The following SS18 variants were observed in gnomAD, a reference collection of about 807,000 sequenced individuals.
SS18 encodes the protein protein SSXT.
In SS18, 28 loss-of-function variants were observed where a neutral mutation model predicts 72.5. That is an observed-to-expected ratio of 0.39 (90% CI 0.29 to 0.53). SS18 has a LOEUF of 0.53. Among genes scored for constraint, SS18 ranks in the 20% least tolerant of loss-of-function variants. The probability of loss-of-function intolerance (pLI) is 0.76; values close to 1 mark genes in which losing one functional copy is unlikely to be tolerated. For synonymous variants in SS18, 172 were observed against 164.2 expected (o/e 1.05, Z -0.37); for missense variants, 518 against 535.3 (o/e 0.97, Z 0.32).
chr18:26,036,882 G>A (rs1237406516), intron 7 of SS18, among the ~76,000 whole-genome samples: 1 of 152,106 alleles, frequency 6.6e-6, no homozygotes, highest in East Asian at 1.9e-4. Context: ...TTGGAATACA[G>A]TCATGCCTAT....
intron 5 of SS18, 28 bp from the exon 6 acceptor site, chr18:26,039,484 T>G: frequency 6.4e-7 from 1 of 1,556,828 alleles, no homozygotes; most frequent in Middle Eastern, 1.7e-4. Context: ...ATTATACACA[T>G]AATTTTTTGT....
At chr18:26,073,823 T>C (rs1304037479) in intron 3 of SS18, among the ~76,000 whole-genome samples, 2 of 152,188 alleles carry the variant, frequency 1.3e-5, no homozygotes, top group Admixed American at 6.5e-5. Context: ...TGTGATTGAG[T>C]TGCCAGCTGA....
chr18:26,082,849 T>G (rs1452937895), intron 2 of SS18, among the ~76,000 whole-genome samples: 1 of 152,218 alleles, frequency 6.6e-6, no homozygotes, highest in Non-Finnish European at 1.5e-5. Flanking sequence ...TTGCACATAC[T>G]GCTTTCATAA....
chr18:26,045,538 C>T (rs372840557), intron 5 of SS18, among the ~76,000 whole-genome samples: 10 of 152,148 alleles, frequency 6.6e-5, no homozygotes, highest in Non-Finnish European at 1.5e-5. Context: ...TTTTACTTTG[C>T]ATATTTCTCT....
At chr18:26,037,318 A>C (rs1360160405) in intron 7 of SS18, among the ~76,000 whole-genome samples, 1 of 152,148 alleles carries the variant, frequency 6.6e-6, no homozygotes, top group Non-Finnish European at 1.5e-5. Flanking sequence ...CAACAATGTC[A>C]AATTTAATTC....
chr18:26,050,008 AGGCTGAGGTGGATGGATGGCTTG>A (rs2053893213), intron 5 of SS18, among the ~76,000 whole-genome samples: 3 of 152,340 alleles, frequency 2.0e-5, no homozygotes, highest in Non-Finnish European at 2.9e-5. Flanking sequence ...ACACTTCGGG[AGGCTGAGGTGGATGGATGGCTTG>A]AGGTCAGGAG....
At chr18:26,023,760 A>C (rs781153886) in intron 10 of SS18, 1 of 402,760 alleles carries the variant, frequency 2.5e-6, no homozygotes, top group Non-Finnish European at 4.6e-6. Flanking sequence ...GCAAACAAAA[A>C]TGATACCACA....
At chr18:26,037,243 A>G (rs2053641704) in intron 7 of SS18, among the ~76,000 whole-genome samples, 1 of 152,178 alleles carries the variant, frequency 6.6e-6, no homozygotes, top group Non-Finnish European at 1.5e-5. Flanking sequence ...ACAAACCAAT[A>G]TATTTTGAAC....
chr18:26,039,168 C>CAAA lies in SS18; in HGVS notation c.775+118_775+120dup, dbSNP rs34318951. On this transcript the variant is annotated intron_variant, in intron 6 of 10. Coordinates refer to ENST00000415083, the MANE Select transcript of SS18 (RefSeq NM_001007559.3). Reference sequence around the variant, plus strand: ...TACTTACTAGAACCCTACCTTTTGTCAAAAAAAAAAAAAAAAAAAAAAAAA... The same window carrying CAAA: ...TACTTACTAGAACCCTACCTTTTGTCAAAAAAAAAAAAAAAAAAAAAAAAAAAA... 1.2e-3 allele frequency: 312 copies of CAAA among 251,612 alleles called. 6 individuals are homozygous for CAAA. The highest frequency in any genetic ancestry group is 2.8e-3 in the South Asian group (37 of 12,994). The allele number at this position is 251,612 out of a possible 1,614,324, so 15.6% of individuals were successfully genotyped here.
chr18:26,043,491 A>C (rs2053765590), intron 5 of SS18, among the ~76,000 whole-genome samples: 2 of 152,152 alleles, frequency 1.3e-5, no homozygotes, highest in African/African-American at 4.8e-5. Context: ...TTTAATCTCT[A>C]ACCCAATTAT....
At chr18:26,059,623 T>C (rs1309585837) in intron 3 of SS18, among the ~76,000 whole-genome samples, 2 of 152,222 alleles carry the variant, frequency 1.3e-5, no homozygotes, top group African/African-American at 4.8e-5. Flanking sequence ...AAGGGCCAGC[T>C]ACTCCTTAAG....
chr18:26,031,857 T>C (rs2053547552), intron 10 of SS18, among the ~76,000 whole-genome samples: 1 of 151,994 alleles, frequency 6.6e-6, no homozygotes, highest in East Asian at 1.9e-4. Flanking sequence ...TATGCTGGAG[T>C]GAAGTGGAGT....
intron 3 of SS18, among the ~76,000 whole-genome samples, chr18:26,071,915 C>G (rs1304345577): frequency 1.3e-5 from 2 of 151,754 alleles, no homozygotes; most frequent in Non-Finnish European, 2.9e-5. Flanking sequence ...GTATGTCTCA[C>G]CAGCAAAGCA....
rs746414962 is a variant in SS18 at position 26,078,139 on chromosome 18, T to G, written c.168A>C (p.Thr56=). ...ECSQYQQMLH[T]NLVYLATIAD... is the part of the protein sequence containing the mutation. ...CTATTGTAGCAAGGTATACCAAGTT[T>G]GTGTGCAACATCTGCTGATACCTAT... The change falls in exon 3 of 11, where the codon ACA becomes ACC. Residue 56 remains threonine (T), a synonymous_variant. Transcript: ENST00000415083. 2.9e-5 allele frequency: 47 copies of G among 1,612,698 alleles called. No homozygotes were observed. The highest frequency in any genetic ancestry group is 3.9e-5 in the Non-Finnish European group (46 of 1,179,446).
Position 26,035,772 on chromosome 18 carries a change from A to G in SS18, c.973+59T>C. ...ATGGGTAGAAGTTGTCTTATGCAAGAATTTTCATTCCTGTAGAAGGGGATA... is the reference window on the plus strand; with the variant it reads ...ATGGGTAGAAGTTGTCTTATGCAAGGATTTTCATTCCTGTAGAAGGGGATA... On this transcript the variant is annotated intron_variant, in intron 8 of 10. Transcript: ENST00000415083. This position sits in a 1 kb window ranked among gnomAD's most constrained non-coding sequence, Gnocchi z 4.4. The G allele has an allele frequency of 8.1e-7, 1 of 1,240,636 alleles. No homozygotes were observed. The highest frequency in any genetic ancestry group is 1.1e-6 in the Non-Finnish European group (1 of 895,212). The allele number at this position is 1,240,636 out of a possible 1,614,324, so 76.9% of individuals were successfully genotyped here.
In SS18 at chr18:26,017,761, T is replaced by C; in HGVS notation, c.*593A>G. Reference sequence around the variant, plus strand: ...AATTTCCTCTATGAGAACAGAACAGTGGACATATGGTGTGCTTTGTCTTCC... The same window carrying C: ...AATTTCCTCTATGAGAACAGAACAGCGGACATATGGTGTGCTTTGTCTTCC... On this transcript the variant is annotated 3_prime_UTR_variant, in exon 11 of 11. Coordinates refer to ENST00000415083, the MANE Select transcript of SS18 (RefSeq NM_001007559.3). The C allele has an allele frequency of 4.5e-6, 1 of 222,252 alleles. No homozygotes were observed. The highest frequency in any genetic ancestry group is 9.0e-6 in the Non-Finnish European group (1 of 111,200). 13.8% of individuals were successfully genotyped at this position (222,252 alleles called of 1,614,324 possible).
chr18:26,090,746 T>C (rs1296828009), upstream of SS18: 3 of 650,502 alleles, frequency 4.6e-6, no homozygotes, highest in Admixed American at 2.8e-5. Context: ...GCCAGGGATG[T>C]CTCGCTTCTG....
chr18:26,039,759 T>C (rs1322791753), intron 5 of SS18, among the ~76,000 whole-genome samples: 1 of 152,178 alleles, frequency 6.6e-6, no homozygotes, highest in Non-Finnish European at 1.5e-5. Context: ...GTATTTTCCA[T>C]TACACACTAT....
chr18:26,071,141 T>A (rs1366270925), intron 3 of SS18, among the ~76,000 whole-genome samples: 1 of 152,190 alleles, frequency 6.6e-6, no homozygotes, highest in African/African-American at 2.4e-5. Context: ...AGTCTAAGTT[T>A]AACTGGAGTC....
Sources: allele counts gnomAD v4.1 joint callset (sites outside exome capture counted in the v4.1 genomes callset), GRCh38; gene constraint gnomAD v4.1.1; non-coding constraint Gnocchi (gnomAD v3.1); transcripts MANE v1.5; gene names NCBI Gene and HGNC (gene_info 2026-07-23, HGNC 2026-07-21).